HSPA4: variants seen among roughly 807,000 people sequenced by gnomAD.
HSPA4 encodes the protein heat shock 70 kDa protein 4.
In HSPA4, 25 loss-of-function variants were observed where a neutral mutation model predicts 106.2. The observed-to-expected ratio is 0.24, with a 90% CI of 0.17 to 0.33. The LOEUF (loss-of-function observed/expected upper bound fraction) is 0.33. Ranked by LOEUF, HSPA4 falls within the 10% of genes least tolerant of loss-of-function variation. The pLI is 1.00. For synonymous variants in HSPA4, 332 were observed against 333.6 expected (o/e 1.00, Z 0.05); for missense variants, 841 against 996.0 (o/e 0.84, Z 2.10).
intron 13 of HSPA4, among the ~76,000 whole-genome samples, chr5:133,094,742 T>C (rs1765689649): frequency 6.6e-6 from 1 of 152,210 alleles, no homozygotes; most frequent in Non-Finnish European, 1.5e-5. Context: ...GCATTGCTTC[T>C]AAAGGCAAAT....
chr5:133,086,688 T>C (rs1168293838), intron 7 of HSPA4, 94 bp from the exon 8 acceptor site: 2 of 841,168 alleles, frequency 2.4e-6, no homozygotes, highest in Non-Finnish European at 4.0e-6. Context: ...CCAGCACTTG[T>C]TGTTACCTGT....
chr5:133,101,612 C>T lies in HSPA4; in HGVS notation c.2038-147C>T, dbSNP rs908415125. On this transcript the variant is annotated intron_variant, in intron 16 of 18. Transcript: ENST00000304858. Reference sequence around the variant, plus strand: ...TAGTTTCATTCCCCTCCTGAAGTAGCTTCATATTTCCAAAGGCCTGGAGAA... The same window carrying T: ...TAGTTTCATTCCCCTCCTGAAGTAGTTTCATATTTCCAAAGGCCTGGAGAA... 21 of 683,620 alleles carry T rather than the reference C, an allele frequency of 3.1e-5. No homozygotes were observed. The Admixed American group carries it at 5.7e-4, about 18-fold the overall frequency. 42.3% of individuals were successfully genotyped at this position (683,620 alleles called of 1,614,324 possible).
chr5:133,104,093 A>C (rs1022207390), intron 18 of HSPA4, 67 bp downstream of exon 18: 1 of 1,431,594 alleles, frequency 7.0e-7, no homozygotes, highest in African/African-American at 1.4e-5. Flanking sequence ...CTCAAGTGAC[A>C]CTTAGGAGGG....
At chr5:133,102,231 G>A (rs922633641) in intron 17 of HSPA4, among the ~76,000 whole-genome samples, 4 of 152,138 alleles carry the variant, frequency 2.6e-5, no homozygotes, top group African/African-American at 7.2e-5. Flanking sequence ...GCTCCCGGCC[G>A]TAAAGTTAAC....
chr5:133,092,591 T>C, intron 12 of HSPA4, 109 bp from the exon 13 acceptor site: 1 of 765,280 alleles, frequency 1.3e-6, no homozygotes, highest in Non-Finnish European at 2.3e-6. Context: ...ATAGGCCTTC[T>C]GATTGCTGGT....
intron 7 of HSPA4, among the ~76,000 whole-genome samples, chr5:133,079,412 C>A (rs1373742589): frequency 3.3e-5 from 5 of 152,144 alleles, no homozygotes; most frequent in African/African-American, 1.2e-4. Flanking sequence ...TGGCTTCTTT[C>A]GTTCTGACTT....
intron 1 of HSPA4, among the ~76,000 whole-genome samples, chr5:133,057,122 G>C (rs1028795489): frequency 1.3e-5 from 2 of 152,182 alleles, no homozygotes; most frequent in African/African-American, 2.4e-5. Context: ...AATCTCAAAA[G>C]TATGAGTTGT....
At chr5:133,092,665 C>G in intron 12 of HSPA4, 35 bp from the exon 13 acceptor site, 1 of 1,373,882 alleles carries the variant, frequency 7.3e-7, no homozygotes, top group Non-Finnish European at 1.0e-6. Context: ...GTTTAGTCTT[C>G]CTAATTGCAG....
intron 1 of HSPA4, among the ~76,000 whole-genome samples, chr5:133,064,398 TG>T (rs1288251967): frequency 6.6e-6 from 1 of 151,968 alleles, no homozygotes; most frequent in Non-Finnish European, 1.5e-5. Flanking sequence ...CCCAGCTACT[TG>T]GGAGGCTGAG....
intron 1 of HSPA4, among the ~76,000 whole-genome samples, chr5:133,055,770 C>T (rs62375204): frequency 0.23 from 35,568 of 151,836 alleles, 4,328 homozygotes; most frequent in Middle Eastern, 0.26. Flanking sequence ...ATAGAATAAG[C>T]GGGTCTAATT....
At chr5:133,083,623 C>T (rs1765541627) in intron 7 of HSPA4, among the ~76,000 whole-genome samples, 2 of 151,960 alleles carry the variant, frequency 1.3e-5, no homozygotes, top group Non-Finnish European at 1.5e-5. Context: ...CCTTAACCTC[C>T]GCCTCCCGGG....
At chr5:133,087,593 C>T (rs778263946) in intron 8 of HSPA4, among the ~76,000 whole-genome samples, 2 of 152,088 alleles carry the variant, frequency 1.3e-5, no homozygotes, top group African/African-American at 2.4e-5. Context: ...CTTTCTGATA[C>T]GAAGAAACTG....
chr5:133,071,326 T>TG, intron 4 of HSPA4, among the ~76,000 whole-genome samples: 1 of 143,982 alleles, frequency 6.9e-6, no homozygotes, highest in Middle Eastern at 3.8e-3. Context: ...CTGGGCATGG[T>TG]GGCACACACC....
At chr5:133,099,865 T>G (rs1303326188) in intron 16 of HSPA4, among the ~76,000 whole-genome samples, 1 of 152,202 alleles carries the variant, frequency 6.6e-6, no homozygotes, top group Non-Finnish European at 1.5e-5. Flanking sequence ...TTTAGGTTTG[T>G]AATGTTTCAC....
Position 133,076,903 on chromosome 5 carries a change from G to C in HSPA4, c.908+5G>C, listed in dbSNP as rs947036893. The C allele has an allele frequency of 1.8e-5, 29 of 1,593,002 alleles. No homozygotes were observed. The highest frequency in any genetic ancestry group is 3.3e-4 in the Middle Eastern group (2 of 6,008). On this transcript the variant is annotated splice_donor_5th_base_variant and intron_variant, in intron 7 of 18. Coordinates refer to ENST00000304858, the MANE Select transcript of HSPA4 (RefSeq NM_002154.4). ...TGTATCTGGAACTATGAATAGGTAA[G>C]TATATTACTATTTCGATGTTAAAGT... is the stretch of plus-strand genomic sequence containing the variant.
At position 133,106,105 on chromosome 5, in the gene HSPA4, T is replaced by A. The variant is rs6874036; in HGVS notation, c.*1669T>A. On this transcript the variant is annotated 3_prime_UTR_variant, in exon 19 of 19. Transcript: ENST00000304858. ...ATTTCTTCTTAAAAAAAAAAAAATT[T>A]TTTTTTTTTTTTTTTTTTTTTTTTT... The A allele has an allele frequency of 6.6e-5, 2 of 30,174 alleles. No individual in the cohort carries two copies. The highest frequency in any genetic ancestry group is 1.3e-4 in the African/African-American group (1 of 7,978). The allele number at this position is 30,174 out of a possible 1,614,324, so 1.9% of individuals were successfully genotyped here. A position where few individuals can be genotyped will look rare whatever the true frequency, so the allele number is the denominator to read the frequency against.
chr5:133,099,964 T>A (rs1219924936), intron 16 of HSPA4, among the ~76,000 whole-genome samples: 1 of 152,230 alleles, frequency 6.6e-6, no homozygotes, highest in Admixed American at 6.5e-5. Context: ...GGAATGCAGC[T>A]GGAGCAGGGC....
chr5:133,075,534 G>A (rs955516645), intron 6 of HSPA4, among the ~76,000 whole-genome samples: 1 of 152,132 alleles, frequency 6.6e-6, no homozygotes, highest in Admixed American at 6.5e-5. Context: ...GTAAAACCCT[G>A]TCTCTACAAA....
At chr5:133,075,517 C>T (rs1251994360) in intron 6 of HSPA4, among the ~76,000 whole-genome samples, 1 of 152,156 alleles carries the variant, frequency 6.6e-6, no homozygotes, top group African/African-American at 2.4e-5. Flanking sequence ...CAAGTCTGGG[C>T]AACATGGTAA....
Sources: allele counts gnomAD v4.1 joint callset (sites outside exome capture counted in the v4.1 genomes callset), GRCh38; gene constraint gnomAD v4.1.1; transcripts MANE v1.5; gene names NCBI Gene and HGNC (gene_info 2026-07-23, HGNC 2026-07-21).